The following LMBRD1 variants were observed in gnomAD, a reference collection of about 807,000 sequenced individuals.
LMBRD1 encodes the protein LMBR1 domain containing 1, also known as lysosomal cobalamin transport escort protein LMBD1.
LMBRD1 carries 64 observed loss-of-function variants against 74.8 expected under a neutral mutation model. The ratio of observed to expected loss-of-function variants is 0.86; its 90% CI spans 0.70 to 1.05. The LOEUF (loss-of-function observed/expected upper bound fraction) is 1.05, where lower values mean the gene tolerates loss of function less well. Ranked by LOEUF, LMBRD1 falls within the 50% of genes least tolerant of loss-of-function variation. LMBRD1 has a pLI of 0.00. For synonymous variants in LMBRD1, 204 were observed against 216.3 expected (o/e 0.94, Z 0.50); for missense variants, 652 against 645.9 (o/e 1.01, Z -0.10).
intron 7 of LMBRD1, among the ~76,000 whole-genome samples, chr6:69,733,611 C>T (rs956349003): frequency 2.0e-5 from 3 of 152,090 alleles, no homozygotes; most frequent in Non-Finnish European, 4.4e-5. Flanking sequence ...GTATCATCTA[C>T]CTTCCTCTTC....
chr6:69,741,447 C>T (rs931512531), intron 6 of LMBRD1, among the ~76,000 whole-genome samples: 4 of 113,332 alleles, frequency 3.5e-5, no homozygotes, highest in Admixed American at 8.5e-5. Flanking sequence ...AATGCAATGG[C>T]GCAATTCAGC....
At chr6:69,754,049 A>C (rs570883914) in intron 3 of LMBRD1, among the ~76,000 whole-genome samples, 2 of 152,330 alleles carry the variant, frequency 1.3e-5, no homozygotes, top group Non-Finnish European at 2.9e-5. Flanking sequence ...ACAAAAAGAC[A>C]AATACGATAT....
intron 3 of LMBRD1, among the ~76,000 whole-genome samples, chr6:69,776,021 T>C (rs912118914): frequency 2.0e-5 from 3 of 152,246 alleles, no homozygotes; most frequent in Non-Finnish European, 2.9e-5. Flanking sequence ...TCTCAATATA[T>C]ACTTTTCTGA....
At chr6:69,737,283 T>C (rs564179309) in intron 7 of LMBRD1, among the ~76,000 whole-genome samples, 3 of 152,092 alleles carry the variant, frequency 2.0e-5, no homozygotes, top group Non-Finnish European at 4.4e-5. Context: ...TAAAGAAGCA[T>C]TTATTACTAG....
At chr6:69,690,713 C>T (rs979341319) in intron 14 of LMBRD1, among the ~76,000 whole-genome samples, 1 of 151,906 alleles carries the variant, frequency 6.6e-6, no homozygotes. Flanking sequence ...TATTGCATGC[C>T]GTTATCAAAA....
intron 7 of LMBRD1, among the ~76,000 whole-genome samples, chr6:69,729,971 T>A (rs989614577): frequency 6.6e-6 from 1 of 151,968 alleles, no homozygotes; most frequent in Non-Finnish European, 1.5e-5. Context: ...TTTTTTTTAA[T>A]GTACAAAAAG....
chr6:69,717,727 T>TCC (rs1766523363), intron 8 of LMBRD1, among the ~76,000 whole-genome samples: 1 of 152,230 alleles, frequency 6.6e-6, no homozygotes, highest in Non-Finnish European at 1.5e-5. Flanking sequence ...AGGGTCTTGC[T>TCC]CCATCATCCA....
intron 3 of LMBRD1, among the ~76,000 whole-genome samples, chr6:69,757,746 C>G (rs1390283860): frequency 1.3e-5 from 2 of 152,100 alleles, no homozygotes; most frequent in Non-Finnish European, 2.9e-5. Flanking sequence ...TTTTCAAAGG[C>G]AAATTATTCT....
chr6:69,728,951 G>A (rs931403553), intron 7 of LMBRD1, among the ~76,000 whole-genome samples: 4 of 151,636 alleles, frequency 2.6e-5, no homozygotes, highest in African/African-American at 9.7e-5. Flanking sequence ...ACCTCTATAT[G>A]TATATGAACA....
chr6:69,778,821 G>A (rs977408656), intron 3 of LMBRD1, among the ~76,000 whole-genome samples: 15 of 151,642 alleles, frequency 9.9e-5, no homozygotes, highest in African/African-American at 1.5e-4. Flanking sequence ...AAATCTACCC[G>A]AAAGAAATAA....
intron 1 of LMBRD1, among the ~76,000 whole-genome samples, chr6:69,795,263 T>C (rs539279726): frequency 6.6e-6 from 1 of 152,384 alleles, no homozygotes; most frequent in Non-Finnish European, 1.5e-5. Flanking sequence ...TGCTGTAATA[T>C]TGCCAACTTA....
intron 15 of LMBRD1, 35 bp downstream of exon 15, chr6:69,676,415 G>C (rs1156474899): frequency 3.1e-6 from 5 of 1,594,504 alleles, no homozygotes; most frequent in Non-Finnish European, 4.3e-6. Flanking sequence ...ATTTATAAAG[G>C]AAGGTCAAAT....
chr6:69,769,288 C>A (rs771450238), intron 3 of LMBRD1, among the ~76,000 whole-genome samples: 2 of 151,988 alleles, frequency 1.3e-5, no homozygotes, highest in Non-Finnish European at 2.9e-5. Context: ...CTGGTAAGAC[C>A]CTCTAGTAAA....
At chr6:69,688,509 C>A (rs895566966) in intron 14 of LMBRD1, among the ~76,000 whole-genome samples, 1 of 150,344 alleles carries the variant, frequency 6.7e-6, no homozygotes, top group East Asian at 2.0e-4. Context: ...ATTCCATATT[C>A]TGGGAAAAGA....
intron 14 of LMBRD1, among the ~76,000 whole-genome samples, chr6:69,693,947 C>T (rs778057815): frequency 3.9e-5 from 6 of 151,930 alleles, no homozygotes; most frequent in Non-Finnish European, 8.8e-5. Context: ...GAAAGATAAA[C>T]CCATAAAACT....
At chr6:69,780,398 A>G (rs1765804737) in intron 3 of LMBRD1, 96 bp downstream of exon 3, 9 of 902,866 alleles carry the variant, frequency 1.0e-5, no homozygotes, top group Non-Finnish European at 1.7e-5. Context: ...TTCTAATTCG[A>G]CCCAAGAGGA....
At chr6:69,754,637 T>C (rs1438260068) in intron 3 of LMBRD1, among the ~76,000 whole-genome samples, 3 of 152,222 alleles carry the variant, frequency 2.0e-5, no homozygotes, top group Non-Finnish European at 4.4e-5. Flanking sequence ...GCAATGAATA[T>C]TGGTGTTTCT....
chr6:69,749,607 T>A (rs909563295), intron 4 of LMBRD1, among the ~76,000 whole-genome samples, 199 bp from the exon 5 acceptor site: 5 of 151,776 alleles, frequency 3.3e-5, no homozygotes, highest in African/African-American at 4.8e-5. Flanking sequence ...TGAGATTTTT[T>A]AAATCTTTTC....
Position 69,701,899 on chromosome 6 carries a change from A to G in LMBRD1, c.970T>C (p.Phe324Leu). ...GTCTACTGTACTTACTTTGACAAGA[A>G]GAGAGAAATTACAAACAGCAATGCA... ...LVALLFVISL[F>L]LSNLDKALHS... Residue 324 changes from phenylalanine (F) to leucine (L), a missense_variant, in exon 10 of 16, where the codon TTC (phenylalanine) becomes CTC (leucine). Coordinates refer to ENST00000649934, the MANE Select transcript of LMBRD1 (RefSeq NM_018368.4). The G allele has an allele frequency of 6.3e-7, 1 of 1,596,190 alleles. No individual in the cohort carries two copies. Among genetic ancestry groups the G allele is most frequent in the South Asian group, 1.1e-5 (1 of 90,626 alleles).
Sources: allele counts gnomAD v4.1 joint callset (sites outside exome capture counted in the v4.1 genomes callset), GRCh38; gene constraint gnomAD v4.1.1; transcripts MANE v1.5; gene names NCBI Gene and HGNC (gene_info 2026-07-23, HGNC 2026-07-21).